The following ALDH1A2 variants were observed in gnomAD, a reference collection of about 807,000 sequenced individuals.
ALDH1A2 encodes retinal dehydrogenase 2.
ALDH1A2 carries 27 observed loss-of-function variants against 60.3 expected under a neutral mutation model. The observed-to-expected ratio is 0.45, with a 90% CI of 0.33 to 0.62. The LOEUF (loss-of-function observed/expected upper bound fraction) is 0.62, where lower values mean the gene tolerates loss of function less well. Among genes scored for constraint, ALDH1A2 ranks in the 20% least tolerant of loss-of-function variants. ALDH1A2 has a pLI of 0.02. For synonymous variants in ALDH1A2, 289 were observed against 232.4 expected, an observed-to-expected ratio of 1.24 and a Z score of -2.21; for missense variants, 581 against 643.8, an observed-to-expected ratio of 0.90 and a Z score of 1.06.
At chr15:58,046,280 T>C (rs1896637424) in intron 1 of ALDH1A2, among the ~76,000 whole-genome samples, 1 of 152,074 alleles carries the variant, frequency 6.6e-6, no homozygotes, top group Admixed American at 6.6e-5. Flanking sequence ...GTGACTACGC[T>C]GGTTTATACA....
At chr15:58,061,819 T>C (rs1191965786) in intron 1 of ALDH1A2, among the ~76,000 whole-genome samples, 2 of 152,138 alleles carry the variant, frequency 1.3e-5, no homozygotes, top group African/African-American at 2.4e-5. Context: ...GGCAGACCAT[T>C]AGGCCCTATA....
intron 1 of ALDH1A2, among the ~76,000 whole-genome samples, chr15:58,052,653 T>C (rs1405523870): frequency 6.6e-6 from 1 of 152,124 alleles, no homozygotes; most frequent in East Asian, 1.9e-4. Flanking sequence ...ATCAAGTTAT[T>C]TTGTTCATTC....
At chr15:58,006,110 T>TCAGAAGCAG (rs1895446869) in intron 4 of ALDH1A2, among the ~76,000 whole-genome samples, 1 of 151,890 alleles carries the variant, frequency 6.6e-6, no homozygotes, top group Non-Finnish European at 1.5e-5. Context: ...TTCCAAGATT[T>TCAGAAGCAG]TGGTGCATCT....
At chr15:57,972,184 CT>C (rs1260770597) in intron 7 of ALDH1A2, among the ~76,000 whole-genome samples, 4 of 152,120 alleles carry the variant, frequency 2.6e-5, no homozygotes, top group Admixed American at 2.6e-4. Flanking sequence ...CAAGAAATGA[CT>C]TGCAAACAGG....
intron 1 of ALDH1A2, among the ~76,000 whole-genome samples, chr15:58,060,463 C>CTTTTTTTTTTTTTTTTTTTTTTTTTTTT (rs35187901): frequency 2.3e-5 from 2 of 87,510 alleles, no homozygotes; most frequent in African/African-American, 4.3e-5. Context: ...CCACACATAT[C>CTTTTTTTTTTTTTTTTTTTTTTTTTTTT]TTTTTTTTTT....
chr15:58,048,178 T>C (rs2140565553), intron 1 of ALDH1A2, among the ~76,000 whole-genome samples: 1 of 152,020 alleles, frequency 6.6e-6, no homozygotes, highest in East Asian at 1.9e-4. Context: ...TCAAAAAAAA[T>C]GTAAAACTAA....
chr15:58,049,282 T>C (rs1297162119), intron 1 of ALDH1A2, among the ~76,000 whole-genome samples: 2 of 152,112 alleles, frequency 1.3e-5, no homozygotes, highest in African/African-American at 4.8e-5. Flanking sequence ...TTATGGGTCA[T>C]ATTCCTACGT....
chr15:58,042,549 G>C (rs1238354029), intron 1 of ALDH1A2, among the ~76,000 whole-genome samples: 1 of 151,870 alleles, frequency 6.6e-6, no homozygotes, highest in Non-Finnish European at 1.5e-5. Flanking sequence ...GTATGTTTTG[G>C]ATTCCAGGAG....
intron 5 of ALDH1A2, among the ~76,000 whole-genome samples, chr15:57,994,000 A>C (rs1196722804): frequency 5.9e-5 from 9 of 152,184 alleles, no homozygotes; most frequent in African/African-American, 2.2e-4. Flanking sequence ...AGTCCACCGT[A>C]ATGTTTTAAT....
intron 1 of ALDH1A2, among the ~76,000 whole-genome samples, chr15:58,042,681 G>T (rs867214724): frequency 2.0e-4 from 30 of 151,834 alleles, no homozygotes; most frequent in South Asian, 1.0e-3. Context: ...TGTCTGAATT[G>T]AAGTTAAGAC....
chr15:58,025,648 G>C (rs551955866), intron 1 of ALDH1A2, among the ~76,000 whole-genome samples: 1 of 152,316 alleles, frequency 6.6e-6, no homozygotes, highest in Non-Finnish European at 1.5e-5. Flanking sequence ...GTGTTAGTCT[G>C]TTTTGTATTG....
rs571124749 is a variant in ALDH1A2 at position 58,045,357 on chromosome 15, C to T, written c.117+20177G>A. On this transcript the variant is annotated intron_variant, in intron 1 of 12. Transcript: ENST00000249750. ...GTGTCGACTCCTCAAGGATCTAGAA[C>T]TAGAAATACCGTTTCACCCAGTGAT... 3.3e-5 allele frequency among the ~76,000 whole-genome samples: 5 copies of T among 152,134 alleles called. No homozygotes were observed. In the East Asian group the frequency reaches 9.7e-4, roughly 30 times the overall value.
At chr15:58,046,772 G>C (rs1349535893) in intron 1 of ALDH1A2, among the ~76,000 whole-genome samples, 1 of 152,008 alleles carries the variant, frequency 6.6e-6, no homozygotes, top group Non-Finnish European at 1.5e-5. Flanking sequence ...GGCTTCATTT[G>C]GTTTCCCCCA....
intron 4 of ALDH1A2, among the ~76,000 whole-genome samples, chr15:57,995,396 A>C (rs543992207): frequency 1.1e-4 from 16 of 152,176 alleles, no homozygotes; most frequent in Admixed American, 2.6e-4. Flanking sequence ...CAAATTTATG[A>C]TACAAGAAGT....
chr15:58,031,350 G>A (rs140239668), intron 1 of ALDH1A2, among the ~76,000 whole-genome samples: 2,362 of 152,098 alleles, frequency 0.016, 60 homozygotes, highest in African/African-American at 0.048. Flanking sequence ...CTTACACCTT[G>A]TACAAAAATT....
intron 1 of ALDH1A2, among the ~76,000 whole-genome samples, chr15:58,041,610 C>T (rs960152630): frequency 6.6e-6 from 1 of 151,878 alleles, no homozygotes; most frequent in African/African-American, 2.4e-5. Context: ...GTAGAATGGA[C>T]AAGCTAGCTC....
chr15:57,988,866 C>T (rs959212682), intron 7 of ALDH1A2, among the ~76,000 whole-genome samples: 1 of 135,134 alleles, frequency 7.4e-6, no homozygotes, highest in Non-Finnish European at 1.7e-5. Flanking sequence ...AATTTAACTT[C>T]CACTACCTGA....
rs1202803225 is a variant in ALDH1A2, at chr15:58,029,587, A to G, written c.118-15306T>C. On this transcript the variant is annotated intron_variant, in intron 1 of 12. Transcript: ENST00000249750. ...GATAGAGACATAAAAATCCCCTAAA[A>G]AAAAAAAAAAATCGATGAATCCAGG... Among the ~76,000 whole-genome samples the G allele has an allele frequency of 6.0e-5, 4 of 66,268 alleles. No homozygotes were observed. In the East Asian group the frequency reaches 1.2e-3, roughly 19 times the overall value. 43.5% of individuals were successfully genotyped at this position (66,268 alleles called of 152,430 possible).
intron 4 of ALDH1A2, among the ~76,000 whole-genome samples, chr15:57,996,298 C>CCTCT (rs35255029): frequency 2.3e-4 from 33 of 144,932 alleles, no homozygotes; most frequent in Middle Eastern, 3.5e-3. Context: ...AAAGTCTTGG[C>CCTCT]CTCTCTCTCT....
Sources: gnomAD v4.1 joint callset for allele counts (sites outside exome capture counted in the v4.1 genomes callset) on GRCh38, gnomAD v4.1.1 for gene constraint, MANE v1.5 for transcripts, NCBI Gene and HGNC (gene_info 2026-07-23, HGNC 2026-07-21) for gene names.